The following ARHGEF10L variants were observed in gnomAD, a reference collection of about 807,000 sequenced individuals.
The protein encoded by ARHGEF10L is Rho guanine nucleotide exchange factor 10 like, also known as rho guanine nucleotide exchange factor 10-like protein.
ARHGEF10L carries 69 observed loss-of-function variants against 141.2 expected under a neutral mutation model. The ratio of observed to expected loss-of-function variants is 0.49; its 90% CI spans 0.40 to 0.60. The LOEUF (loss-of-function observed/expected upper bound fraction) is 0.60, where lower values mean the gene tolerates loss of function less well. Among genes scored for constraint, ARHGEF10L ranks in the 20% least tolerant of loss-of-function variants. The pLI, the probability that ARHGEF10L is intolerant of heterozygous loss-of-function variation, is 0.00. For synonymous variants in ARHGEF10L, 711 were observed against 718.5 expected, an observed-to-expected ratio of 0.99 and a Z score of 0.17; for missense variants, 1,482 against 1,734.3, an observed-to-expected ratio of 0.85 and a Z score of 2.58.
the ARHGEF10L span, among the ~76,000 whole-genome samples, chr1:17,527,568 T>C: frequency 3.9e-5 from 6 of 152,316 alleles, no homozygotes; most frequent in African/African-American, 7.2e-5. Flanking sequence ...TAGTTTGGGA[T>C]TGAGCAGGTT....
At chr1:17,599,921 T>C (rs374337901) in intron 4 of ARHGEF10L, among the ~76,000 whole-genome samples, 5 of 152,374 alleles carry the variant, frequency 3.3e-5, no homozygotes, top group African/African-American at 1.2e-4. Flanking sequence ...TTAGTCCCAC[T>C]AGCCACATGT....
intron 26 of ARHGEF10L, among the ~76,000 whole-genome samples, chr1:17,665,976 G>C (rs1380116430): frequency 6.6e-6 from 1 of 152,176 alleles, no homozygotes; most frequent in Non-Finnish European, 1.5e-5. Context: ...CCCCAAAAGA[G>C]CTGATGCTTC....
At chr1:17,648,732 C>T in intron 22 of ARHGEF10L, 57 bp downstream of exon 22, 2 of 1,586,012 alleles carry the variant, frequency 1.3e-6, no homozygotes, top group Non-Finnish European at 1.7e-6. Flanking sequence ...CTCCCCCTCG[C>T]CTGGGAGAAC....
At chr1:17,537,868 AAAAAAAGAAAGAAAAG>A (rs899367895), upstream of ARHGEF10L, among the ~76,000 whole-genome samples, 4 of 151,180 alleles carry the variant, frequency 2.6e-5, no homozygotes, top group Non-Finnish European at 5.9e-5. Flanking sequence ...AAAAAAAAAA[AAAAAAAGAAAGAAAAG>A]AAAAAAAAAA....
At chr1:17,566,585 G>T (rs572136108) in intron 1 of ARHGEF10L, among the ~76,000 whole-genome samples, 9 of 152,272 alleles carry the variant, frequency 5.9e-5, no homozygotes, top group African/African-American at 1.7e-4. Context: ...GGCCCCTGGC[G>T]GAATGAACTG....
intron 8 of ARHGEF10L, among the ~76,000 whole-genome samples, chr1:17,614,355 CTG>C (rs1262419197): frequency 6.6e-6 from 1 of 152,248 alleles, no homozygotes; most frequent in Non-Finnish European, 1.5e-5. Flanking sequence ...GAGTCTAAGA[CTG>C]GGCCTTTCCC....
intron 1 of ARHGEF10L, among the ~76,000 whole-genome samples, chr1:17,565,557 G>C (rs1016871687): frequency 6.6e-6 from 1 of 152,182 alleles, no homozygotes. Flanking sequence ...CAGGTCTCCC[G>C]AAGGGAAGCC....
intron 2 of ARHGEF10L, among the ~76,000 whole-genome samples, chr1:17,582,520 G>A (rs1229116013): frequency 1.3e-5 from 2 of 152,216 alleles, no homozygotes; most frequent in Non-Finnish European, 2.9e-5. Context: ...CTTGTCAACT[G>A]TCTAATGACC....
At chr1:17,624,540 G>A (rs745918336) in intron 13 of ARHGEF10L, 37 bp downstream of exon 13, 57 of 1,554,908 alleles carry the variant, frequency 3.7e-5, no homozygotes, top group Non-Finnish European at 4.7e-5. Flanking sequence ...TGGTCAGGGT[G>A]GGCAGGGAGA....
chr1:17,690,521 G>C (rs1161685843), intron 27 of ARHGEF10L, among the ~76,000 whole-genome samples: 2 of 152,238 alleles, frequency 1.3e-5, no homozygotes, highest in Non-Finnish European at 2.9e-5. Flanking sequence ...GACCCTCCAG[G>C]TCAGTGTGCC....
intron 6 of ARHGEF10L, chr1:17,604,974 C>T (rs575532749): frequency 8.5e-5 from 13 of 152,364 alleles, no homozygotes; most frequent in African/African-American, 2.9e-4. Context: ...TGCACCCTAG[C>T]TCTGAGCCTG....
At chr1:17,572,855 G>C (rs1319206915) in intron 1 of ARHGEF10L, among the ~76,000 whole-genome samples, 1 of 152,104 alleles carries the variant, frequency 6.6e-6, no homozygotes, top group Admixed American at 6.5e-5. Context: ...GTGAACTGGG[G>C]TCACAGATTC....
intron 26 of ARHGEF10L, among the ~76,000 whole-genome samples, chr1:17,672,208 C>G (rs529077894): frequency 7.1e-6 from 1 of 141,182 alleles, no homozygotes; most frequent in South Asian, 2.6e-4. Flanking sequence ...CCCCAGCCGC[C>G]TTCCCCACCC....
intron 1 of ARHGEF10L, among the ~76,000 whole-genome samples, chr1:17,566,929 C>G (rs1570508739): frequency 6.6e-6 from 1 of 151,794 alleles, no homozygotes; most frequent in South Asian, 2.1e-4. Context: ...CTCTCGAATG[C>G]CGTTGAACTT....
At chr1:17,527,266 A>G in the ARHGEF10L span, among the ~76,000 whole-genome samples, 2 of 152,242 alleles carry the variant, frequency 1.3e-5, no homozygotes, top group African/African-American at 4.8e-5. Flanking sequence ...TGGCTGGCTG[A>G]CGCCGCTGAT....
At chr1:17,518,495 A>G in the ARHGEF10L span, among the ~76,000 whole-genome samples, 1 of 152,182 alleles carries the variant, frequency 6.6e-6, no homozygotes, top group African/African-American at 2.4e-5. Flanking sequence ...AAAACTGACA[A>G]TAAGAACTCA....
intron 1 of ARHGEF10L, among the ~76,000 whole-genome samples, chr1:17,565,742 A>G (rs1007948934): frequency 3.9e-5 from 6 of 152,182 alleles, no homozygotes; most frequent in African/African-American, 9.7e-5. Flanking sequence ...AGAGCTCGGC[A>G]GTCTGGTTGT....
intron 1 of ARHGEF10L, among the ~76,000 whole-genome samples, chr1:17,557,345 A>AC (rs200261529): frequency 1.2e-4 from 18 of 150,492 alleles, no homozygotes; most frequent in East Asian, 8.0e-4. Flanking sequence ...TCCATCTCAA[A>AC]AAAAAAAAAA....
rs755507761 is a variant in ARHGEF10L, at chr1:17,654,599, A to G, written c.2395-37A>G. ...CAAATATTGGCATCTGGGCACCTTGATGATTAACCTCACATGTACCGTCTC... is the reference window on the plus strand; with the variant it reads ...CAAATATTGGCATCTGGGCACCTTGGTGATTAACCTCACATGTACCGTCTC... On this transcript the variant is annotated intron_variant, in intron 22 of 28. Transcript: ENST00000361221. The surrounding 1 kb of genome is among the most constrained non-coding windows in gnomAD (Gnocchi z 4.3). 1.3e-5 allele frequency: 21 copies of G among 1,586,716 alleles called. No homozygotes were observed. The Admixed American group carries it at 2.8e-4, about 21-fold the overall frequency.
Sources: allele counts gnomAD v4.1 joint callset (sites outside exome capture counted in the v4.1 genomes callset), GRCh38; gene constraint gnomAD v4.1.1; non-coding constraint Gnocchi (gnomAD v3.1); transcripts MANE v1.5; gene names NCBI Gene and HGNC (gene_info 2026-07-23, HGNC 2026-07-21).